VPS51: variants seen among roughly 807,000 people sequenced by gnomAD.
VPS51 encodes the protein VPS51 subunit of GARP complex, also known as vacuolar protein sorting-associated protein 51 homolog.
In VPS51, 55 loss-of-function variants were observed where a neutral mutation model predicts 65.1. That is an observed-to-expected ratio of 0.84 (90% CI 0.68 to 1.06). VPS51 has a LOEUF of 1.06. VPS51 is among the 50% of genes least tolerant of loss of function. The probability of loss-of-function intolerance (pLI) is 0.00; values close to 1 mark genes in which losing one functional copy is unlikely to be tolerated. For synonymous variants in VPS51, 473 were observed against 489.5 expected (o/e 0.97, Z 0.44); for missense variants, 943 against 1,101.6 (o/e 0.86, Z 2.04).
At position 65,096,318 on chromosome 11, in the gene VPS51, AG is replaced by A. The variant is rs1215813683; in HGVS notation, c.73del (p.Glu25ArgfsTer13). The A allele has an allele frequency of 6.6e-7, 1 of 1,509,274 alleles. No homozygotes were observed. The highest frequency in any genetic ancestry group is 2.6e-5 in the Admixed American group (1 of 38,436). The allele number at this position is 1,509,274 out of a possible 1,614,324, so 93.5% of individuals were successfully genotyped here. ...CCTGGGGACTCCCCAGAAGGGCCCGAGGGGGAGGCTCCGGAGCGTCGGCGGA... is the reference window on the plus strand; with the variant it reads ...CCTGGGGACTCCCCAGAAGGGCCCGAGGGGAGGCTCCGGAGCGTCGGCGGA... ...SGPGDSPEGPEGEAPERRRKA... is the reference protein window; with the variant it reads ...SGPGDSPEGPXGEAPERRRKA... On this transcript the variant is annotated frameshift_variant, in exon 1 of 10. Transcript: ENST00000279281. LOFTEE classifies it high-confidence loss of function.
Position 65,108,912 on chromosome 11 carries a change from C to T in VPS51, c.1441C>T (p.Arg481Trp), listed in dbSNP as rs777607408. 187 of 1,612,776 alleles carry T rather than the reference C, an allele frequency of 1.2e-4. 1 individual carries two copies. The highest frequency in any genetic ancestry group is 1.4e-4 in the Non-Finnish European group (166 of 1,179,920). ...GTCCTTCTCCAACAAGCCCTACTTCCGGGTACGCCTCCTCTTGGGTGTTCC... is the reference window on the plus strand; with the variant it reads ...GTCCTTCTCCAACAAGCCCTACTTCTGGGTACGCCTCCTCTTGGGTGTTCC... ...EVSFSNKPYF[R>W]GEFCSQGVRE... Residue 481 changes from arginine to tryptophan, a missense_variant and splice_region_variant, in exon 5 of 10, where the codon CGG (arginine) becomes TGG (tryptophan). This residue lies in a region of VPS51 where 855 missense variants were observed against 953.7 expected (regional missense o/e 0.90). Coordinates refer to ENST00000279281, the MANE Select transcript of VPS51 (RefSeq NM_013265.4).
At chr11:65,110,397 AGCT>A in intron 7 of VPS51, 82 bp from the exon 8 acceptor site, 1 of 1,601,500 alleles carries the variant, frequency 6.2e-7, no homozygotes, top group Non-Finnish European at 8.5e-7. Context: ...ATGCTTGAGT[AGCT>A]GACTTAGGGC....
rs1300098392 is a variant in VPS51, at chr11:65,096,992, C to T, written c.229-6C>T. The stretch of plus-strand genomic sequence containing the variant: ...GACCCGAACACTAACCACCCAACTT[C>T]TTCAGCTGCGTAGAGAGTGCCCTCT... On this transcript the variant is annotated splice_region_variant and splice_polypyrimidine_tract_variant and intron_variant, in intron 1 of 9. Transcript: ENST00000279281. 6.2e-7 allele frequency: 1 copy of T among 1,613,186 alleles called. No individual in the cohort carries two copies. The highest frequency in any genetic ancestry group is 1.1e-5 in the South Asian group (1 of 91,038).
Position 65,096,412 on chromosome 11 carries a change from G to GCCCGACCCCCTGGA in VPS51, c.169_182dup (p.Asp62ProfsTer7). On this transcript the variant is annotated frameshift_variant, in exon 1 of 10. Transcript: ENST00000279281. LOFTEE classifies it high-confidence loss of function. ...GGGAGGCGGCGGGACGCCCCGCGGG[G>GCCCGACCCCCTGGA]CCCGACCCCCTGGACCCGACTGATC... 6.5e-7 allele frequency: 1 copy of GCCCGACCCCCTGGA among 1,534,136 alleles called. No homozygotes were observed. The highest frequency in any genetic ancestry group is 2.5e-5 in the East Asian group (1 of 39,668).
Position 65,111,627 on chromosome 11 carries a change from A to C in VPS51, c.*40A>C. ...ATGCACCGGTCTGTCCCTGCACCCC[A>C]TGGCACCCAGGATCTGGTCTCGGTG... On this transcript the variant is annotated 3_prime_UTR_variant, in exon 10 of 10. Transcript: ENST00000279281. The C allele has an allele frequency of 6.4e-7, 1 of 1,563,566 alleles. No homozygotes were observed. The highest frequency in any genetic ancestry group is 8.6e-7 in the Non-Finnish European group (1 of 1,157,644).
Position 65,107,676 on chromosome 11 carries a change from C to A in VPS51, c.454C>A (p.Arg152Ser), listed in dbSNP as rs1947851795. Residue 152 changes from arginine to serine, a missense_variant, in exon 3 of 10, where the codon CGC (arginine) becomes AGC (serine). Arg to Ser is a moderately radical substitution (Grantham distance 110). This residue lies in a region of VPS51 where 855 missense variants were observed against 953.7 expected (regional missense o/e 0.90). Coordinates refer to ENST00000279281, the MANE Select transcript of VPS51 (RefSeq NM_013265.4). This position sits in a 1 kb window ranked among gnomAD's most constrained non-coding sequence, Gnocchi z 4.0. ...NMAVITDFSARISATLQDRHE... is the reference protein window; with the variant it reads ...NMAVITDFSASISATLQDRHE... ...GGCAGTGATCACCGACTTCAGCGCTCGCATCAGCGCCACGCTGCAGGACCG... is the reference window on the plus strand; with the variant it reads ...GGCAGTGATCACCGACTTCAGCGCTAGCATCAGCGCCACGCTGCAGGACCG... The A allele has an allele frequency of 6.2e-7, 1 of 1,609,956 alleles. No homozygotes were observed. The highest frequency in any genetic ancestry group is 1.1e-5 in the South Asian group (1 of 91,004).
Position 65,108,892 on chromosome 11 carries a change from T to C in VPS51, c.1421T>C (p.Phe474Ser). ...VHLFTAKEVSFSNKPYFRGEF... is the reference protein window; with the variant it reads ...VHLFTAKEVSSSNKPYFRGEF... ...CTTTTCACCGCCAAAGAGGTGTCCT[T>C]CTCCAACAAGCCCTACTTCCGGGTA... Residue 474 changes from phenylalanine (F) to serine (S), a missense_variant, in exon 5 of 10, where the codon TTC (phenylalanine) becomes TCC (serine). Physicochemically the swap from Phe to Ser is radical, Grantham distance 155. Around this residue, in one of 2 missense-constraint regions of VPS51, gnomAD observed 855 missense variants for 953.7 expected, o/e 0.90. Transcript: ENST00000279281. 1.2e-6 allele frequency: 2 copies of C among 1,613,004 alleles called. No homozygotes were observed. The highest frequency in any genetic ancestry group is 1.7e-6 in the Non-Finnish European group (2 of 1,179,988).
At chr11:65,111,136 G>A (rs1200626421) in intron 9 of VPS51, 191 bp from the exon 10 acceptor site, 1 of 883,182 alleles carries the variant, frequency 1.1e-6, no homozygotes, top group South Asian at 1.4e-5. Context: ...TGATTGCTGG[G>A]CCCTACCTGT....
intron 2 of VPS51, among the ~76,000 whole-genome samples, chr11:65,102,965 G>T (rs1268748276): frequency 2.6e-5 from 4 of 152,036 alleles, no homozygotes; most frequent in Admixed American, 1.3e-4. Flanking sequence ...AACATAGAGA[G>T]ACCCCATCTC....
Position 65,108,582 on chromosome 11 carries a change from G to T in VPS51, c.1111G>T (p.Ala371Ser), listed in dbSNP as rs761865562. Residue 371 changes from alanine (A) to serine (S), a missense_variant, in exon 5 of 10, where the codon GCG (alanine) becomes TCG (serine). Around this residue, in one of 2 missense-constraint regions of VPS51, gnomAD observed 855 missense variants for 953.7 expected, o/e 0.90. Transcript: ENST00000279281. ...GGGDNSLLVR[A>S]LDRFHRRLRA... ...TGGTGACAACTCACTGCTGGTGCGGGCGCTGGACCGCTTCCACCGGCGCTT... is the reference window on the plus strand; with the variant it reads ...TGGTGACAACTCACTGCTGGTGCGGTCGCTGGACCGCTTCCACCGGCGCTT... The T allele has an allele frequency of 2.6e-6, 4 of 1,545,744 alleles. No homozygotes were observed. In the East Asian group the frequency reaches 9.5e-5, roughly 37 times the overall value.
intron 1 of VPS51, 125 bp downstream of exon 1, chr11:65,096,603 A>T: frequency 1.2e-6 from 1 of 869,334 alleles, no homozygotes; most frequent in Non-Finnish European, 1.7e-6. Context: ...TGTTCATAAG[A>T]GGACGAACCT....
intron 9 of VPS51, 157 bp from the exon 10 acceptor site, chr11:65,111,170 C>G: frequency 8.8e-7 from 1 of 1,138,502 alleles, no homozygotes; most frequent in Non-Finnish European, 1.3e-6. Context: ...GATGACGGCG[C>G]TAATATTGTA....
Position 65,107,691 on chromosome 11 carries a change from C to G in VPS51, c.469C>G (p.Leu157Val). Residue 157 changes from leucine to valine, a missense_variant, in exon 3 of 10, where the codon CTG becomes GTG. Physicochemically the swap from Leu to Val is conservative, Grantham distance 32. Coordinates refer to ENST00000279281, the MANE Select transcript of VPS51 (RefSeq NM_013265.4). This position sits in a 1 kb window ranked among gnomAD's most constrained non-coding sequence, Gnocchi z 4.0. ...CTTCAGCGCTCGCATCAGCGCCACG[C>G]TGCAGGACCGCCACGAGCGCATCAC... ...TDFSARISAT[L>V]QDRHERITKL... 6.2e-7 allele frequency: 1 copy of G among 1,610,126 alleles called. No homozygotes were observed. The highest frequency in any genetic ancestry group is 1.1e-5 in the South Asian group (1 of 91,018).
At chr11:65,109,580 G>C in intron 6 of VPS51, 85 bp downstream of exon 6, 1 of 1,546,734 alleles carries the variant, frequency 6.5e-7, no homozygotes, top group South Asian at 1.2e-5. Flanking sequence ...CCAGACCCCA[G>C]ACCAGCTGCC....
Position 65,108,582 on chromosome 11 carries a change from G to A in VPS51, c.1111G>A (p.Ala371Thr). ...GGGDNSLLVR[A>T]LDRFHRRLRA... Reference sequence around the variant, plus strand: ...TGGTGACAACTCACTGCTGGTGCGGGCGCTGGACCGCTTCCACCGGCGCTT... The same window carrying A: ...TGGTGACAACTCACTGCTGGTGCGGACGCTGGACCGCTTCCACCGGCGCTT... Residue 371 changes from alanine (A) to threonine (T), a missense_variant, in exon 5 of 10, where the codon GCG (alanine) becomes ACG (threonine). Physicochemically the swap from Ala to Thr is moderately conservative, Grantham distance 58. Transcript: ENST00000279281. The A allele has an allele frequency of 6.5e-7, 1 of 1,545,744 alleles. No individual in the cohort carries two copies. The highest frequency in any genetic ancestry group is 8.7e-7 in the Non-Finnish European group (1 of 1,152,478).
rs376417003 is a variant in VPS51 at position 65,109,274 on chromosome 11, T to C, written c.1444-6T>C. ...CTGCTGTGGACCTGGGCACCTTCTC[T>C]TGCAGGGTGAGTTCTGCAGTCAGGG... is the stretch of plus-strand genomic sequence containing the variant. On this transcript the variant is annotated splice_polypyrimidine_tract_variant and splice_region_variant and intron_variant, in intron 5 of 9. Transcript: ENST00000279281. 1.2e-6 allele frequency: 2 copies of C among 1,607,120 alleles called. No homozygotes were observed. Among genetic ancestry groups the C allele is most frequent in the African/African-American group, 2.7e-5 (2 of 74,820 alleles).
rs61736623 is a variant in VPS51 at position 65,109,725 on chromosome 11, C to T, written c.1680C>T (p.Pro560=). The T allele has an allele frequency of 0.036, 57,368 of 1,578,256 alleles. 1,331 individuals carry two copies. Among genetic ancestry groups the T allele is most frequent in the East Asian group, 0.056 (2,415 of 43,282 alleles). ...FLVQDQFPVT[P]VSTLCAEARE... ...CTCAGGATCAGTTCCCAGTGACGCCCGTGAGCACGCTGTGTGCAGAGGCCA... is the reference window on the plus strand; with the variant it reads ...CTCAGGATCAGTTCCCAGTGACGCCTGTGAGCACGCTGTGTGCAGAGGCCA... Residue 560 remains proline (P), a synonymous_variant, in exon 7 of 10, where the codon CCC becomes CCT. Coordinates refer to ENST00000279281, the MANE Select transcript of VPS51 (RefSeq NM_013265.4).
intron 2 of VPS51, among the ~76,000 whole-genome samples, chr11:65,106,789 C>T (rs1259472086): frequency 2.0e-5 from 3 of 148,434 alleles, no homozygotes; most frequent in Admixed American, 6.7e-5. Context: ...TGAATTGAGG[C>T]CGTCAGTGAA....
In VPS51 at chr11:65,109,836, T is replaced by A; in HGVS notation, c.1791T>A (p.Thr597=). ...AGATGCTGCGCAAGAGCGTGGAGAC[T>A]CGCGACTGGCTCAGCACTCTGGAGC... is the stretch of plus-strand genomic sequence containing the variant. The part of the protein sequence containing the change: ...ISQMLRKSVE[T]RDWLSTLEPR... The change falls in exon 7 of 10, where the codon ACT becomes ACA. Residue 597 remains threonine (T), a synonymous_variant. Transcript: ENST00000279281. 1 of 1,611,920 alleles carries A rather than the reference T, an allele frequency of 6.2e-7. No homozygotes were observed.
Sources: allele counts gnomAD v4.1 joint callset (sites outside exome capture counted in the v4.1 genomes callset), GRCh38; gene constraint gnomAD v4.1.1; regional missense constraint gnomAD v4.1.1; non-coding constraint Gnocchi (gnomAD v3.1); transcripts MANE v1.5; gene names NCBI Gene and HGNC (gene_info 2026-07-23, HGNC 2026-07-21).